Variants in GLIS3 observed in about 807,000 individuals in gnomAD.
GLIS3 encodes zinc finger protein GLIS3.
A neutral mutation model predicts 78.6 loss-of-function variants in GLIS3; 53 were observed. The observed-to-expected ratio is 0.67, with a 90% CI of 0.54 to 0.85. GLIS3 has a LOEUF of 0.85. GLIS3 is among the 40% of genes least tolerant of loss of function. The pLI is 0.00. For missense variants in GLIS3, 1,703 were observed against 1,231.1 expected (o/e 1.38, Z -5.74); for synonymous variants, 684 against 509.9 (o/e 1.34, Z -4.60).
chr9:4,137,507 C>A (rs1322289969), intron 2 of GLIS3, among the ~76,000 whole-genome samples: 1 of 152,174 alleles, frequency 6.6e-6, no homozygotes, highest in Non-Finnish European at 1.5e-5. Context: ...GTATCATATT[C>A]CTTTCTGTAC....
At chr9:3,901,509 C>T (rs140554401) in intron 6 of GLIS3, among the ~76,000 whole-genome samples, 9 of 152,164 alleles carry the variant, frequency 5.9e-5, no homozygotes, top group African/African-American at 2.2e-4. Flanking sequence ...TACCAGCACA[C>T]CACTGGCAAT....
intron 2 of GLIS3, among the ~76,000 whole-genome samples, chr9:4,211,678 G>C (rs1232219336): frequency 6.6e-6 from 1 of 152,168 alleles, no homozygotes; most frequent in Non-Finnish European, 1.5e-5. Flanking sequence ...TATTTATTCA[G>C]AAGAAATGAA....
the GLIS3 span, among the ~76,000 whole-genome samples, chr9:4,426,027 G>A: frequency 5.8e-4 from 88 of 152,116 alleles, no homozygotes; most frequent in African/African-American, 1.8e-3. Flanking sequence ...AATCTTCCTC[G>A]ACAAAAAACA....
At chr9:3,945,691 G>C (rs781055783) in intron 4 of GLIS3, among the ~76,000 whole-genome samples, 3 of 152,120 alleles carry the variant, frequency 2.0e-5, no homozygotes, top group Non-Finnish European at 4.4e-5. Context: ...AAATAAAAAA[G>C]TCAGAAACAT....
intron 7 of GLIS3, among the ~76,000 whole-genome samples, chr9:3,896,573 G>A (rs1300422037): frequency 6.7e-6 from 1 of 149,462 alleles, no homozygotes; most frequent in East Asian, 2.0e-4. Context: ...GGCTGAGGCA[G>A]GAGAATTGCT....
At chr9:4,392,488 A>AC in the GLIS3 span, among the ~76,000 whole-genome samples, 5 of 152,224 alleles carry the variant, frequency 3.3e-5, no homozygotes, top group South Asian at 4.1e-4. Flanking sequence ...CCTCCTCTCC[A>AC]CCTCGCTGGT....
chr9:4,022,826 A>G (rs547563367), intron 4 of GLIS3, among the ~76,000 whole-genome samples: 1 of 152,360 alleles, frequency 6.6e-6, no homozygotes, highest in South Asian at 2.1e-4. Flanking sequence ...ACAAGAAAGT[A>G]TACACTATAT....
At chr9:4,161,946 A>G (rs1447145793) in intron 2 of GLIS3, among the ~76,000 whole-genome samples, 2 of 151,752 alleles carry the variant, frequency 1.3e-5, no homozygotes, top group Non-Finnish European at 2.9e-5. Flanking sequence ...TCGGCCTCCC[A>G]AAGTGGTGGG....
At chr9:3,842,961 G>A (rs1818813257) in intron 9 of GLIS3, among the ~76,000 whole-genome samples, 1 of 152,196 alleles carries the variant, frequency 6.6e-6, no homozygotes. Flanking sequence ...AGGTGGTGAT[G>A]ATTGTTCCAA....
At chr9:4,293,676 G>A (rs1816224618) in intron 1 of GLIS3, among the ~76,000 whole-genome samples, 1 of 152,176 alleles carries the variant, frequency 6.6e-6, no homozygotes, top group East Asian at 1.9e-4. Flanking sequence ...ATATTCAGCA[G>A]GCCTACAAAA....
chr9:4,062,870 A>C (rs1297139233), intron 4 of GLIS3, among the ~76,000 whole-genome samples: 1 of 152,020 alleles, frequency 6.6e-6, no homozygotes, highest in African/African-American at 2.4e-5. Context: ...CGGAGCTTGC[A>C]GTGAGCTGAG....
At chr9:4,297,712 G>C (rs1056723510) in intron 1 of GLIS3, among the ~76,000 whole-genome samples, 4 of 152,150 alleles carry the variant, frequency 2.6e-5, no homozygotes, top group Non-Finnish European at 5.9e-5. Context: ...CCAGAGATGA[G>C]GGCCAAGCGG....
chr9:3,929,933 G>C (rs937893741), intron 6 of GLIS3, among the ~76,000 whole-genome samples: 2 of 151,982 alleles, frequency 1.3e-5, no homozygotes, highest in African/African-American at 2.4e-5. Context: ...CCTGATGTGA[G>C]TGAGCAATTA....
At chr9:4,430,882 T>C in the GLIS3 span, among the ~76,000 whole-genome samples, 2 of 149,202 alleles carry the variant, frequency 1.3e-5, no homozygotes, top group Non-Finnish European at 2.9e-5. Flanking sequence ...TTCCCCAGCA[T>C]TTCTCATTAA....
At chr9:4,414,233 G>T in the GLIS3 span, among the ~76,000 whole-genome samples, 1 of 152,152 alleles carries the variant, frequency 6.6e-6, no homozygotes, top group African/African-American at 2.4e-5. Context: ...ATGTAGCAGG[G>T]AAGGACAGAT....
chr9:4,471,279 A>G, the GLIS3 span, among the ~76,000 whole-genome samples: 2 of 152,212 alleles, frequency 1.3e-5, no homozygotes, highest in African/African-American at 2.4e-5. Context: ...TGGAACCAAA[A>G]AAGAGCCCGC....
intron 4 of GLIS3, among the ~76,000 whole-genome samples, chr9:3,958,490 C>T (rs1047588655): frequency 6.6e-6 from 1 of 152,302 alleles, no homozygotes; most frequent in African/African-American, 2.4e-5. Context: ...ACCTACAAAT[C>T]TCCGCATTCT....
intron 2 of GLIS3, among the ~76,000 whole-genome samples, chr9:4,256,046 T>C (rs578029053): frequency 6.6e-6 from 1 of 151,850 alleles, no homozygotes; most frequent in African/African-American, 2.4e-5. Flanking sequence ...ATTTTTTTTT[T>C]AAAAAAGGAT....
intron 2 of GLIS3, among the ~76,000 whole-genome samples, chr9:4,244,112 C>T (rs1458404991): frequency 1.3e-5 from 2 of 152,210 alleles, no homozygotes; most frequent in Non-Finnish European, 2.9e-5. Flanking sequence ...TCCAAGCCTT[C>T]CATAAATCCT....
Sources: gnomAD v4.1 joint callset for allele counts (sites outside exome capture counted in the v4.1 genomes callset) on GRCh38, gnomAD v4.1.1 for gene constraint, MANE v1.5 for transcripts, NCBI Gene and HGNC (gene_info 2026-07-23, HGNC 2026-07-21) for gene names.